PTPRT: variants seen among roughly 807,000 people sequenced by gnomAD.
PTPRT encodes protein tyrosine phosphatase receptor type T, also known as receptor-type tyrosine-protein phosphatase T.
A neutral mutation model predicts 176.8 loss-of-function variants in PTPRT; 56 were observed. The observed-to-expected ratio is 0.32, with a 90% CI of 0.26 to 0.40. PTPRT has a LOEUF of 0.40. Ranked by LOEUF, PTPRT falls within the 10% of genes least tolerant of loss-of-function variation. The pLI is 1.00. For missense variants in PTPRT, 1,540 were observed against 1,908.2 expected (o/e 0.81, Z 3.60); for synonymous variants, 783 against 739.0 (o/e 1.06, Z -0.96).
intron 1 of PTPRT, among the ~76,000 whole-genome samples, chr20:43,160,233 C>T (rs2146438974): frequency 6.6e-6 from 1 of 152,240 alleles, no homozygotes; most frequent in East Asian, 1.9e-4. Context: ...AACTGAGCAC[C>T]AACTGAGGCC....
At chr20:42,346,254 TC>T (rs1224834159) in intron 11 of PTPRT, among the ~76,000 whole-genome samples, 2 of 152,082 alleles carry the variant, frequency 1.3e-5, no homozygotes, top group African/African-American at 4.8e-5. Context: ...CAGGGGACGG[TC>T]TGTTATAGAA....
At chr20:43,058,756 C>T (rs1346519680) in intron 1 of PTPRT, among the ~76,000 whole-genome samples, 3 of 152,192 alleles carry the variant, frequency 2.0e-5, no homozygotes, top group Non-Finnish European at 4.4e-5. Flanking sequence ...GAAGGTGCTG[C>T]AGTTTTCAGT....
chr20:43,129,650 G>C (rs1441072018), intron 1 of PTPRT, among the ~76,000 whole-genome samples: 1 of 114,802 alleles, frequency 8.7e-6, no homozygotes, highest in Non-Finnish European at 1.6e-5. Flanking sequence ...ACGGAGTCTC[G>C]CTCTGTCGCC....
At chr20:43,166,753 A>G (rs1422154023) in intron 1 of PTPRT, among the ~76,000 whole-genome samples, 1 of 152,234 alleles carries the variant, frequency 6.6e-6, no homozygotes, top group Non-Finnish European at 1.5e-5. Context: ...AACTGGCCTC[A>G]TGGCTGGCAG....
At chr20:42,473,134 C>T (rs2071228380) in intron 7 of PTPRT, among the ~76,000 whole-genome samples, 1 of 152,124 alleles carries the variant, frequency 6.6e-6, no homozygotes, top group Non-Finnish European at 1.5e-5. Context: ...CTCTCCTTTC[C>T]TTGACTACAC....
chr20:42,827,685 T>C lies in PTPRT; in HGVS notation c.215-36219A>G, dbSNP rs965900386. Among the ~76,000 whole-genome samples the C allele has an allele frequency of 3.9e-5, 6 of 152,288 alleles. No individual in the cohort carries two copies. The East Asian group carries it at 1.2e-3, about 29-fold the overall frequency. ...ATGGGAGGGACCTGGTGGGAGGTAA[T>C]TAAATCATGGTGGTGGTTACCTATA... On this transcript the variant is annotated intron_variant, in intron 2 of 30. Coordinates refer to ENST00000373187, the MANE Select transcript of PTPRT (RefSeq NM_007050.6).
chr20:43,164,266 C>T (rs947997865), intron 1 of PTPRT, among the ~76,000 whole-genome samples: 13 of 152,188 alleles, frequency 8.5e-5, no homozygotes, highest in Non-Finnish European at 1.6e-4. Context: ...GCTTCCACTC[C>T]TTCATGCAGT....
At chr20:42,696,918 A>G (rs1475095386) in intron 6 of PTPRT, among the ~76,000 whole-genome samples, 1 of 152,158 alleles carries the variant, frequency 6.6e-6, no homozygotes, top group Non-Finnish European at 1.5e-5. Flanking sequence ...AAGCTGCACT[A>G]AAGCTCCTAA....
At chr20:42,742,751 T>A (rs1020057594) in intron 6 of PTPRT, among the ~76,000 whole-genome samples, 2 of 152,210 alleles carry the variant, frequency 1.3e-5, no homozygotes, top group Non-Finnish European at 2.9e-5. Context: ...TCCCACACTC[T>A]GCGATTTCCA....
the PTPRT span, among the ~76,000 whole-genome samples, chr20:42,042,828 C>T: frequency 6.6e-6 from 1 of 152,384 alleles, no homozygotes; most frequent in South Asian, 2.1e-4. Flanking sequence ...GTCAGGACCA[C>T]AGTCTTCCTG....
chr20:42,827,175 G>A (rs1047595668), intron 2 of PTPRT, among the ~76,000 whole-genome samples: 1 of 152,204 alleles, frequency 6.6e-6, no homozygotes, highest in African/African-American at 2.4e-5. Flanking sequence ...AATTATCTAG[G>A]ACTTTAACTC....
chr20:43,140,942 T>C (rs1188527326), intron 1 of PTPRT, among the ~76,000 whole-genome samples: 2 of 152,112 alleles, frequency 1.3e-5, no homozygotes. Flanking sequence ...GTCTGGTGAG[T>C]CAACATATTC....
At chr20:42,338,801 C>G (rs2058074450) in intron 11 of PTPRT, among the ~76,000 whole-genome samples, 1 of 152,062 alleles carries the variant, frequency 6.6e-6, no homozygotes, top group African/African-American at 2.4e-5. Context: ...TCTGCAAATT[C>G]AAGGAATTCA....
intron 17 of PTPRT, among the ~76,000 whole-genome samples, chr20:42,147,439 C>T (rs1988919496): frequency 6.6e-6 from 1 of 152,216 alleles, no homozygotes; most frequent in Non-Finnish European, 1.5e-5. Flanking sequence ...TTTGGACAGA[C>T]TCACCAGAGT....
intron 7 of PTPRT, among the ~76,000 whole-genome samples, chr20:42,647,761 C>T (rs191999721): frequency 7.9e-5 from 12 of 152,292 alleles, no homozygotes; most frequent in East Asian, 7.7e-4. Flanking sequence ...TCTGTGATAC[C>T]GGCTGACGCT....
chr20:42,850,828 G>C (rs988614043), intron 2 of PTPRT, among the ~76,000 whole-genome samples: 1 of 152,150 alleles, frequency 6.6e-6, no homozygotes, highest in African/African-American at 2.4e-5. Flanking sequence ...TTGAGATCAG[G>C]TGTCTTCAAA....
chr20:42,341,529 G>A (rs1356542132), intron 11 of PTPRT, among the ~76,000 whole-genome samples: 1 of 152,116 alleles, frequency 6.6e-6, no homozygotes, highest in African/African-American at 2.4e-5. Context: ...TCTTTGGCCA[G>A]TCCTTCTCCA....
chr20:42,111,023 A>AATG (rs1341026582), intron 22 of PTPRT, among the ~76,000 whole-genome samples: 7 of 152,178 alleles, frequency 4.6e-5, no homozygotes, highest in Non-Finnish European at 8.8e-5. Flanking sequence ...TCTTACTTAG[A>AATG]ATGATTACAT....
At chr20:43,083,353 T>TATATAC (rs1568774217) in intron 1 of PTPRT, among the ~76,000 whole-genome samples, 26 of 128,442 alleles carry the variant, frequency 2.0e-4, no homozygotes, top group South Asian at 5.0e-4. Flanking sequence ...TATATATATA[T>TATATAC]ATATATATAT....
Sources: gnomAD v4.1 joint callset for allele counts (sites outside exome capture counted in the v4.1 genomes callset) on GRCh38, gnomAD v4.1.1 for gene constraint, MANE v1.5 for transcripts, NCBI Gene and HGNC (gene_info 2026-07-23, HGNC 2026-07-21) for gene names.